RAP1GAP: variants seen among roughly 807,000 people sequenced by gnomAD.
RAP1GAP encodes RAP1 GTPase activating protein.
Under a neutral mutation model 87.2 loss-of-function variants are expected in RAP1GAP, and 35 were observed. The ratio of observed to expected loss-of-function variants is 0.40; its 90% confidence interval spans 0.31 to 0.53. The LOEUF is 0.53. Ranked by LOEUF, RAP1GAP falls within the 20% of genes least tolerant of loss-of-function variation. The pLI is 0.48. For missense variants in RAP1GAP, 734 were observed against 898.9 expected (o/e 0.82, Z 2.35); for synonymous variants, 375 against 363.9 (o/e 1.03, Z -0.35).
rs753484300 is a variant in RAP1GAP, at chr1:21,617,447, C to T, written c.150G>A (p.Gln50=). 6.2e-7 allele frequency: 1 copy of T among 1,606,460 alleles called. No individual in the cohort carries two copies. Among genetic ancestry groups the T allele is most frequent in the Non-Finnish European group, 8.5e-7 (1 of 1,176,898 alleles). The change falls in exon 7 of 25, where the codon CAG becomes CAA. Residue 50 remains glutamine, a synonymous_variant. Coordinates refer to ENST00000374765, the MANE Select transcript of RAP1GAP (RefSeq NM_002885.4). ...EGPFPLILLP[Q]FGGYWIEGTN... ...TGCCCTCAATCCAGTAGCCCCCAAA[C>T]TGGGGCAGCAGGATGAGGGGGAAGG... is the stretch of plus-strand genomic sequence containing the variant.
chr1:21,628,722 TA>T (rs919844883), intron 2 of RAP1GAP, among the ~76,000 whole-genome samples: 3 of 149,412 alleles, frequency 2.0e-5, no homozygotes, highest in Non-Finnish European at 4.4e-5. Context: ...CCATCTCAAA[TA>T]AAAAAAATAC....
chr1:21,618,083 G>T, intron 5 of RAP1GAP, 111 bp from the exon 6 acceptor site: 1 of 1,279,610 alleles, frequency 7.8e-7, no homozygotes, highest in Non-Finnish European at 1.1e-6. Flanking sequence ...TGGGGCCCTG[G>T]CCTCATCACC....
In RAP1GAP at chr1:21,609,103, C is replaced by T. The variant is rs1013088287; in HGVS notation, c.1072-167G>A. On this transcript the variant is annotated intron_variant, in intron 15 of 24. Transcript: ENST00000374765. This position sits in a 1 kb window ranked among gnomAD's most constrained non-coding sequence, Gnocchi z 4.4. ...AGGGTATCTCCCTGGGCTCAGCTCC[C>T]CAGGTACCTTCAAGGGGCCCCAGTG... Among the ~76,000 whole-genome samples the T allele has an allele frequency of 2.0e-5, 3 of 152,166 alleles. No homozygotes were observed. The highest frequency in any genetic ancestry group is 4.4e-5 in the Non-Finnish European group (3 of 68,030).
chr1:21,607,552 CTCTAT>C (rs2075483187), intron 17 of RAP1GAP, among the ~76,000 whole-genome samples: 1 of 39,148 alleles, frequency 2.6e-5, no homozygotes, highest in African/African-American at 8.6e-5. Context: ...CTTCTGAGAA[CTCTAT>C]TTCTTTCCCT....
At position 21,603,771 on chromosome 1, in the gene RAP1GAP, G is replaced by A; in HGVS notation, c.1429-858C>T. 2.6e-6 allele frequency: 4 copies of A among 1,523,296 alleles called. No individual in the cohort carries two copies. Among genetic ancestry groups the A allele is most frequent in the East Asian group, 2.2e-5 (1 of 44,458 alleles). 94.4% of individuals were successfully genotyped at this position (1,523,296 alleles called of 1,614,324 possible). ...ACGTCCCCAATATGGCCTCCGTCCT[G>A]AGAGCGAGCAGAGAACAGCGCGTGC... On this transcript the variant is annotated intron_variant, in intron 18 of 24. Transcript: ENST00000374765. This position sits in a 1 kb window ranked among gnomAD's most constrained non-coding sequence, Gnocchi z 6.0.
intron 2 of RAP1GAP, among the ~76,000 whole-genome samples, chr1:21,631,644 C>T (rs1258748271): frequency 1.3e-5 from 2 of 152,180 alleles, no homozygotes; most frequent in Admixed American, 6.5e-5. Flanking sequence ...CGAGATTGCG[C>T]CATTGCACTC....
At position 21,613,179 on chromosome 1, in the gene RAP1GAP, G is replaced by A. The variant is rs912923327; in HGVS notation, c.525C>T (p.Pro175=). Residue 175 remains proline (P), a synonymous_variant, in exon 10 of 25, where the codon CCC becomes CCT. Transcript: ENST00000374765. The surrounding 1 kb of genome is among the most constrained non-coding windows in gnomAD (Gnocchi z 4.7). Reference sequence around the variant, plus strand: ...CTGTGCCCAGATCCAGCCATACCTTGGGGTAGAGCACAGGATAGAACCGAT... The same window carrying A: ...CTGTGCCCAGATCCAGCCATACCTTAGGGTAGAGCACAGGATAGAACCGAT... The part of the protein sequence containing the change: ...NVDRFYPVLY[P]KASRLIVTFD... 7.1e-6 allele frequency: 11 copies of A among 1,548,730 alleles called. No homozygotes were observed. The highest frequency in any genetic ancestry group is 8.0e-6 in the Non-Finnish European group (9 of 1,120,772).
intron 2 of RAP1GAP, among the ~76,000 whole-genome samples, chr1:21,636,032 T>C (rs2094615760): frequency 6.6e-6 from 1 of 152,236 alleles, no homozygotes; most frequent in Non-Finnish European, 1.5e-5. Context: ...TCTCTGAGCC[T>C]CAGTTTCCTC....
At chr1:21,630,423 C>G (rs2093501685) in intron 2 of RAP1GAP, among the ~76,000 whole-genome samples, 1 of 151,500 alleles carries the variant, frequency 6.6e-6, no homozygotes, top group Non-Finnish European at 1.5e-5. Flanking sequence ...CACCACCATG[C>G]CCAGCTAATT....
chr1:21,652,205 C>G (rs893236172), intron 1 of RAP1GAP, among the ~76,000 whole-genome samples: 2 of 151,642 alleles, frequency 1.3e-5, no homozygotes, highest in Non-Finnish European at 2.9e-5. Flanking sequence ...TCGGCGGATC[C>G]GTCCCCATCA....
Position 21,634,834 on chromosome 1 carries a change from C to A in RAP1GAP, c.-112-8437G>T. ...CCACTGTGGCCAAAACCTGACCCTT[C>A]CCACCCCACCGAGGACTTCAGTGTG... On this transcript the variant is annotated intron_variant, in intron 2 of 24. Transcript: ENST00000374765. The surrounding 1 kb of genome is among the most constrained non-coding windows in gnomAD (Gnocchi z 4.1). 1 of 381,408 alleles carries A rather than the reference C, an allele frequency of 2.6e-6. No homozygotes were observed. 23.6% of individuals were successfully genotyped at this position (381,408 alleles called of 1,614,324 possible).
intron 16 of RAP1GAP, 110 bp from the exon 17 acceptor site, chr1:21,608,460 G>A: frequency 7.1e-7 from 1 of 1,411,372 alleles, no homozygotes; most frequent in Non-Finnish European, 9.5e-7. Flanking sequence ...CTGAATGAGT[G>A]GGGAGTGGGG....
chr1:21,606,214 A>C lies in RAP1GAP; in HGVS notation c.1297-17T>G. 1 of 1,570,520 alleles carries C rather than the reference A, an allele frequency of 6.4e-7. No individual in the cohort carries two copies. The highest frequency in any genetic ancestry group is 8.6e-7 in the Non-Finnish European group (1 of 1,160,278). On this transcript the variant is annotated splice_polypyrimidine_tract_variant and intron_variant, in intron 17 of 24. Transcript: ENST00000374765. ...GATGACCCGCTGTGAAGGGGGTGGC[A>C]GTGGAGGAGGCACAGGATTCCTAAG...
chr1:21,644,917 A>G (rs749194767), intron 2 of RAP1GAP, among the ~76,000 whole-genome samples: 60 of 144,196 alleles, frequency 4.2e-4, no homozygotes, highest in East Asian at 1.1e-3. Flanking sequence ...AAAAAAAAAA[A>G]AAAGAGAAAA....
chr1:21,611,668 A>T, intron 12 of RAP1GAP, 48 bp downstream of exon 12: 3 of 1,612,156 alleles, frequency 1.9e-6, no homozygotes, highest in Non-Finnish European at 2.5e-6. Flanking sequence ...CTCCCTGCCC[A>T]GGAGCACAAG....
intron 1 of RAP1GAP, among the ~76,000 whole-genome samples, chr1:21,656,417 TAAAAAAAA>T (rs71661339): frequency 0.011 from 999 of 94,940 alleles, 3 homozygotes; most frequent in Non-Finnish European, 0.012. Context: ...AGACTCCATC[TAAAAAAAA>T]AAAAAAAAAA....
rs1201000425 is a variant in RAP1GAP at position 21,668,888 on chromosome 1, C to T, written c.-149+366G>A. Reference sequence around the variant, plus strand: ...AGGGATGGAGGAAACGCGCCCACTTCCCACAGTCCCTCCTCTAAACCCCAG... The same window carrying T: ...AGGGATGGAGGAAACGCGCCCACTTTCCACAGTCCCTCCTCTAAACCCCAG... On this transcript the variant is annotated intron_variant, in intron 1 of 24. Coordinates refer to ENST00000374765, the MANE Select transcript of RAP1GAP (RefSeq NM_002885.4). The surrounding 1 kb of genome is among the most constrained non-coding windows in gnomAD (Gnocchi z 6.2). 6.6e-6 allele frequency among the ~76,000 whole-genome samples: 1 copy of T among 150,856 alleles called. No individual in the cohort carries two copies. The highest frequency in any genetic ancestry group is 1.5e-5 in the Non-Finnish European group (1 of 67,604).
chr1:21,657,975 G>C (rs1012161531), intron 1 of RAP1GAP, among the ~76,000 whole-genome samples: 5 of 152,286 alleles, frequency 3.3e-5, no homozygotes, highest in African/African-American at 1.2e-4. Flanking sequence ...CCCCCCAGAG[G>C]GCGCCAGGGT....
chr1:21,602,069 C>A (rs924201496), intron 19 of RAP1GAP, among the ~76,000 whole-genome samples: 3 of 152,206 alleles, frequency 2.0e-5, no homozygotes, highest in African/African-American at 4.8e-5. Flanking sequence ...GGATAAGGAA[C>A]CTGCCCAGGG....
Sources: allele counts gnomAD v4.1 joint callset (sites outside exome capture counted in the v4.1 genomes callset), GRCh38; gene constraint gnomAD v4.1.1; non-coding constraint Gnocchi (gnomAD v3.1); transcripts MANE v1.5; gene names NCBI Gene and HGNC (gene_info 2026-07-23, HGNC 2026-07-21).